Variants in TMTC2 observed in about 807,000 individuals in gnomAD.
TMTC2 encodes the protein transmembrane O-mannosyltransferase targeting cadherins 2, also known as protein O-mannosyl-transferase TMTC2.
In TMTC2, 43 loss-of-function variants were observed where a neutral mutation model predicts 82.4. The ratio of observed to expected loss-of-function variants is 0.52; its 90% CI spans 0.41 to 0.67. The LOEUF is 0.67. TMTC2 is among the 30% of genes least tolerant of loss of function. The pLI, the probability that TMTC2 is intolerant of heterozygous loss-of-function variation, is 0.00. For missense variants in TMTC2, 919 were observed against 1,012.4 expected (o/e 0.91, Z 1.25); for synonymous variants, 408 against 381.9 (o/e 1.07, Z -0.80).
At chr12:82,835,127 T>G (rs2137081221) in intron 1 of TMTC2, among the ~76,000 whole-genome samples, 1 of 152,316 alleles carries the variant, frequency 6.6e-6, no homozygotes, top group East Asian at 1.9e-4. Context: ...CCTCCCAAAG[T>G]GCAGGGATTA....
rs117835641 is a variant in TMTC2, at chr12:82,735,162, C to G, written c.83+47493C>G. 1.6e-4 allele frequency among the ~76,000 whole-genome samples: 25 copies of G among 152,200 alleles called. No individual in the cohort carries two copies. The East Asian group carries it at 4.2e-3, about 26-fold the overall frequency. ...CCCCTCAAAACATCTATGTTTAAAT[C>G]AAATCAATCATATGCTAAAATAATA... On this transcript the variant is annotated intron_variant, in intron 1 of 11. Transcript: ENST00000321196.
intron 9 of TMTC2, among the ~76,000 whole-genome samples, chr12:83,050,682 C>T (rs777963939): frequency 2.0e-5 from 3 of 151,642 alleles, no homozygotes; most frequent in South Asian, 2.1e-4. Context: ...AGTCTATAGA[C>T]GATTTCTTTT....
intron 11 of TMTC2, 48 bp downstream of exon 11, chr12:83,061,879 G>A (rs1882757556): frequency 5.0e-6 from 7 of 1,405,862 alleles, no homozygotes; most frequent in Middle Eastern, 1.8e-4. Context: ...TAGACTCCAA[G>A]CATATGATAG....
At position 82,869,522 on chromosome 12, in the gene TMTC2, C is replaced by T. The variant is rs143686497; in HGVS notation, c.654+11942C>T. ...GAATGGTATACTAGAAACCATTTGT[C>T]CATCTCCACAACACCACCCTCTTAA... is the stretch of plus-strand genomic sequence containing the variant. On this transcript the variant is annotated intron_variant, in intron 2 of 11. Transcript: ENST00000321196. Among the ~76,000 whole-genome samples the T allele has an allele frequency of 7.0e-4, 107 of 152,192 alleles. 2 individuals are homozygous for T. Among genetic ancestry groups the T allele is most frequent in the Admixed American group, 6.1e-3 (93 of 15,272 alleles).
intron 1 of TMTC2, among the ~76,000 whole-genome samples, chr12:82,833,331 C>T (rs964600659): frequency 2.6e-5 from 4 of 152,058 alleles, no homozygotes; most frequent in Non-Finnish European, 5.9e-5. Context: ...GTGTTAAGAG[C>T]CTTATTGCAG....
chr12:82,832,532 T>A (rs958605365), intron 1 of TMTC2, among the ~76,000 whole-genome samples: 1 of 152,132 alleles, frequency 6.6e-6, no homozygotes, highest in Non-Finnish European at 1.5e-5. Flanking sequence ...TTTTGTCCTG[T>A]GTAATAATTT....
intron 8 of TMTC2, among the ~76,000 whole-genome samples, chr12:82,995,999 G>T (rs938735745): frequency 6.6e-5 from 10 of 152,146 alleles, no homozygotes; most frequent in Admixed American, 3.3e-4. Flanking sequence ...GGTATCTCAT[G>T]TACATAAATG....
chr12:83,096,878 A>G (rs1251495727), intron 11 of TMTC2, among the ~76,000 whole-genome samples: 6 of 152,148 alleles, frequency 3.9e-5, no homozygotes, highest in African/African-American at 1.4e-4. Flanking sequence ...ATTATTTTCT[A>G]GGGAAGTCTT....
At chr12:83,024,006 A>G (rs1316101884) in intron 8 of TMTC2, among the ~76,000 whole-genome samples, 9 of 152,266 alleles carry the variant, frequency 5.9e-5, no homozygotes, top group Admixed American at 5.2e-4. Context: ...TGTCATTTCT[A>G]TTTATGATGT....
At chr12:82,804,709 T>TA (rs1396608941) in intron 1 of TMTC2, among the ~76,000 whole-genome samples, 3 of 152,106 alleles carry the variant, frequency 2.0e-5, no homozygotes, top group Non-Finnish European at 4.4e-5. Flanking sequence ...CGGTATTGAA[T>TA]AGTGCAGTGA....
chr12:83,084,569 A>T (rs1420949550), intron 11 of TMTC2, among the ~76,000 whole-genome samples: 1 of 152,216 alleles, frequency 6.6e-6, no homozygotes, highest in African/African-American at 2.4e-5. Context: ...GGTATGTGAA[A>T]AATTTTAGGA....
intron 3 of TMTC2, among the ~76,000 whole-genome samples, chr12:82,911,057 T>A (rs1224542549): frequency 1.3e-5 from 2 of 151,992 alleles, no homozygotes; most frequent in Non-Finnish European, 2.9e-5. Context: ...ATTTTTTGTA[T>A]TTTTAGTAGA....
In TMTC2 at chr12:82,917,407, C is replaced by G. The variant is rs144809259; in HGVS notation, c.1484-13024C>G. ...CCAAGACTTCCATTATGGTTAAAGG[C>G]AAGGACTTTGGAACCAGACAGACAC... On this transcript the variant is annotated intron_variant, in intron 3 of 11. Coordinates refer to ENST00000321196, the MANE Select transcript of TMTC2 (RefSeq NM_152588.3). Among the ~76,000 whole-genome samples, 765 of 152,084 alleles carry G rather than the reference C, an allele frequency of 5.0e-3. 6 individuals carry two copies. The highest frequency in any genetic ancestry group is 0.018 in the African/African-American group (744 of 41,508).
chr12:82,836,757 T>TA (rs545146732), intron 1 of TMTC2, among the ~76,000 whole-genome samples: 27 of 152,198 alleles, frequency 1.8e-4, no homozygotes, highest in Non-Finnish European at 3.7e-4. Context: ...GATTGTAATT[T>TA]AGCCCCTTTG....
At chr12:83,010,459 C>G (rs1420670159) in intron 8 of TMTC2, among the ~76,000 whole-genome samples, 1 of 152,210 alleles carries the variant, frequency 6.6e-6, no homozygotes, top group Non-Finnish European at 1.5e-5. Context: ...CTCTCCTCTT[C>G]CTTAGCCCTC....
rs569380608 is a variant in TMTC2 at position 82,742,779 on chromosome 12, C to T, written c.83+55110C>T. On this transcript the variant is annotated intron_variant, in intron 1 of 11. Transcript: ENST00000321196. ...CCTCAGGTGATCTGCCTGCCTCAGC[C>T]GCCCGAAGTGCTGGGATTACAGGCG... 5.0e-4 allele frequency among the ~76,000 whole-genome samples: 76 copies of T among 152,276 alleles called. 2 individuals carry two copies. The highest frequency in any genetic ancestry group is 3.4e-3 in the Middle Eastern group (1 of 294).
intron 3 of TMTC2, among the ~76,000 whole-genome samples, chr12:82,908,058 G>C (rs1163228970): frequency 6.6e-6 from 1 of 152,152 alleles, no homozygotes; most frequent in African/African-American, 2.4e-5. Flanking sequence ...GTTGCAGTGA[G>C]CCGAGACTGT....
chr12:83,106,955 G>A (rs1303593239), intron 11 of TMTC2, among the ~76,000 whole-genome samples: 2 of 152,176 alleles, frequency 1.3e-5, no homozygotes, highest in East Asian at 1.9e-4. Flanking sequence ...GAAATGCTGT[G>A]CAAACAAAAC....
Position 82,765,714 on chromosome 12 carries a change from C to A in TMTC2, c.83+78045C>A, listed in dbSNP as rs562073811. Among the ~76,000 whole-genome samples the A allele has an allele frequency of 7.3e-4, 101 of 137,854 alleles. No homozygotes were observed. The East Asian group carries it at 0.014, about 18-fold the overall frequency. The allele number at this position is 137,854 out of a possible 152,430, so 90.4% of individuals were successfully genotyped here. ...AAACAAAACAAAACAAACAAACAAA[C>A]AAAAAAAAACAAAGAAAAAACAGGT... is the stretch of plus-strand genomic sequence containing the variant. On this transcript the variant is annotated intron_variant, in intron 1 of 11. Coordinates refer to ENST00000321196, the MANE Select transcript of TMTC2 (RefSeq NM_152588.3).
Sources: allele counts gnomAD v4.1 joint callset (sites outside exome capture counted in the v4.1 genomes callset), GRCh38; gene constraint gnomAD v4.1.1; transcripts MANE v1.5; gene names NCBI Gene and HGNC (gene_info 2026-07-23, HGNC 2026-07-21).